Variants in EXOC6B observed in about 807,000 individuals in gnomAD.
EXOC6B encodes SEC15 homolog B.
Under a neutral mutation model 113.5 loss-of-function variants are expected in EXOC6B, and 54 were observed. The observed-to-expected ratio is 0.48, with a 90% CI of 0.38 to 0.60. The LOEUF (loss-of-function observed/expected upper bound fraction) is 0.60. EXOC6B is among the 20% of genes least tolerant of loss of function. The probability of loss-of-function intolerance (pLI) is 0.00; values close to 1 mark genes in which losing one functional copy is unlikely to be tolerated. For synonymous variants in EXOC6B, 357 were observed against 339.0 expected, an observed-to-expected ratio of 1.05 and a Z score of -0.58; for missense variants, 797 against 977.5, an observed-to-expected ratio of 0.82 and a Z score of 2.46.
chr2:72,662,747 C>CT (rs908355200), intron 6 of EXOC6B, among the ~76,000 whole-genome samples: 1,740 of 147,242 alleles, frequency 0.012, 51 homozygotes, highest in African/African-American at 7.6e-3. Flanking sequence ...ACCGTTTAGC[C>CT]TTTTTTTTTT....
intron 18 of EXOC6B, among the ~76,000 whole-genome samples, chr2:72,451,020 G>C (rs537638708): frequency 6.6e-6 from 1 of 152,084 alleles, no homozygotes; most frequent in South Asian, 2.1e-4. Context: ...GTACCCTAGG[G>C]AACCGATACC....
At chr2:72,559,255 A>G (rs1389261911) in intron 8 of EXOC6B, among the ~76,000 whole-genome samples, 198 bp downstream of exon 8, 1 of 152,240 alleles carries the variant, frequency 6.6e-6, no homozygotes, top group Admixed American at 6.5e-5. Context: ...ATTGATGACT[A>G]AGAAATGTCA....
chr2:72,690,052 T>G (rs1201042794), intron 6 of EXOC6B, among the ~76,000 whole-genome samples: 1 of 152,176 alleles, frequency 6.6e-6, no homozygotes, highest in Non-Finnish European at 1.5e-5. Flanking sequence ...CCCAAAGAAG[T>G]TGCTTTTGTT....
chr2:72,582,807 T>C (rs979266741), intron 6 of EXOC6B, among the ~76,000 whole-genome samples: 2 of 151,354 alleles, frequency 1.3e-5, no homozygotes, highest in African/African-American at 4.9e-5. Context: ...GGTTGGGGAG[T>C]GATGGGTAAG....
chr2:72,377,773 T>C (rs1430772474), intron 19 of EXOC6B, among the ~76,000 whole-genome samples: 2 of 152,166 alleles, frequency 1.3e-5, no homozygotes, highest in Non-Finnish European at 2.9e-5. Context: ...AGAGATCTAT[T>C]ATACAACGTT....
At chr2:72,475,270 G>T (rs1022454338) in intron 17 of EXOC6B, among the ~76,000 whole-genome samples, 1 of 152,144 alleles carries the variant, frequency 6.6e-6, no homozygotes, top group Non-Finnish European at 1.5e-5. Flanking sequence ...GGTGGGGTGG[G>T]TGGGGATGTT....
intron 18 of EXOC6B, among the ~76,000 whole-genome samples, chr2:72,408,155 C>A (rs1220281513): frequency 6.6e-6 from 1 of 152,172 alleles, no homozygotes; most frequent in African/African-American, 2.4e-5. Context: ...ATCCAACTTA[C>A]AAGGGACGTG....
intron 1 of EXOC6B, among the ~76,000 whole-genome samples, chr2:72,785,080 C>A (rs1194942818): frequency 6.6e-6 from 1 of 152,170 alleles, no homozygotes; most frequent in African/African-American, 2.4e-5. Context: ...AGTCCAAAAT[C>A]CAGGGGGCAG....
intron 18 of EXOC6B, among the ~76,000 whole-genome samples, chr2:72,446,520 A>G (rs564395317): frequency 1.3e-5 from 2 of 152,336 alleles, no homozygotes; most frequent in African/African-American, 4.8e-5. Flanking sequence ...CTAAAGCAGG[A>G]ACAGAAAACC....
intron 19 of EXOC6B, among the ~76,000 whole-genome samples, chr2:72,366,771 T>G (rs1455493773): frequency 6.6e-6 from 1 of 151,676 alleles, no homozygotes; most frequent in Non-Finnish European, 1.5e-5. Flanking sequence ...AGAAAATAGT[T>G]GGAACTCTTT....
intron 18 of EXOC6B, among the ~76,000 whole-genome samples, chr2:72,406,189 C>T (rs889890278): frequency 6.6e-6 from 1 of 152,066 alleles, no homozygotes; most frequent in Non-Finnish European, 1.5e-5. Context: ...ACAGGAGCAC[C>T]CAGATTCATA....
intron 8 of EXOC6B, among the ~76,000 whole-genome samples, chr2:72,522,416 G>GT (rs1378700787): frequency 6.6e-6 from 1 of 151,874 alleles, no homozygotes; most frequent in African/African-American, 2.4e-5. Context: ...ATTGGAAATA[G>GT]TTTCTTTTTT....
At chr2:72,356,677 T>A (rs1260169181) in intron 19 of EXOC6B, among the ~76,000 whole-genome samples, 1 of 152,186 alleles carries the variant, frequency 6.6e-6, no homozygotes, top group East Asian at 1.9e-4. Flanking sequence ...CCTTATTACA[T>A]AGCCATTGAC....
At chr2:72,401,632 TATATACATATATAC>T (rs1693302935) in intron 18 of EXOC6B, among the ~76,000 whole-genome samples, 1 of 46,308 alleles carries the variant, frequency 2.2e-5, no homozygotes, top group Non-Finnish European at 3.3e-5. Context: ...CATATATATA[TATATACATATATAC>T]ATATATATAT....
chr2:72,753,913 G>A lies in EXOC6B; in HGVS notation c.114-12444C>T, dbSNP rs115347204. ...AATACAACTACTATAACCTGATACA[G>A]AAGCTCCTTACCTTTTTAGTTTTTA... On this transcript the variant is annotated intron_variant, in intron 1 of 21. Transcript: ENST00000272427. 5.2e-3 allele frequency among the ~76,000 whole-genome samples: 787 copies of A among 152,156 alleles called. 9 individuals are homozygous for A. Among genetic ancestry groups the A allele is most frequent in the African/African-American group, 0.018 (742 of 41,530 alleles).
intron 1 of EXOC6B, among the ~76,000 whole-genome samples, chr2:72,792,288 T>A (rs1684718395): frequency 6.6e-6 from 1 of 152,170 alleles, no homozygotes; most frequent in South Asian, 2.1e-4. Flanking sequence ...GTAGAACTGA[T>A]CTGCTGTGAA....
chr2:72,337,843 A>T (rs1688778731), intron 19 of EXOC6B, among the ~76,000 whole-genome samples: 1 of 152,198 alleles, frequency 6.6e-6, no homozygotes, highest in Non-Finnish European at 1.5e-5. Flanking sequence ...CAAACTCCTT[A>T]GGGATAAAGA....
At chr2:72,558,523 C>A (rs1205229003) in intron 8 of EXOC6B, among the ~76,000 whole-genome samples, 1 of 152,156 alleles carries the variant, frequency 6.6e-6, no homozygotes, top group Non-Finnish European at 1.5e-5. Flanking sequence ...GTAATCCCAG[C>A]ACTTTAGGAG....
At chr2:72,461,608 C>T (rs1028073278) in intron 18 of EXOC6B, 1 of 151,642 alleles carries the variant, frequency 6.6e-6, no homozygotes, top group Admixed American at 6.6e-5. Flanking sequence ...TTAATTTATA[C>T]CTACTCCTCG....
Sources: allele counts gnomAD v4.1 joint callset (sites outside exome capture counted in the v4.1 genomes callset), GRCh38; gene constraint gnomAD v4.1.1; transcripts MANE v1.5; gene names NCBI Gene and HGNC (gene_info 2026-07-23, HGNC 2026-07-21).